The following PCDHGA3 variants were observed in gnomAD, a reference collection of about 807,000 sequenced individuals.
PCDHGA3 encodes protocadherin gamma-A3.
PCDHGA3 carries 40 observed loss-of-function variants against 58.5 expected under a neutral mutation model. That is an observed-to-expected ratio of 0.68 (90% CI 0.53 to 0.89). The LOEUF (loss-of-function observed/expected upper bound fraction) is 0.89. Ranked by LOEUF, PCDHGA3 falls within the 40% of genes least tolerant of loss-of-function variation. PCDHGA3 has a pLI of 0.00. For missense variants in PCDHGA3, 1,223 were observed against 1,195.9 expected, an observed-to-expected ratio of 1.02 and a Z score of -0.33; for synonymous variants, 530 against 525.7, an observed-to-expected ratio of 1.01 and a Z score of -0.11.
At chr5:141,500,227 G>T (rs959087347) in intron 2 of PCDHGA3, among the ~76,000 whole-genome samples, 15 of 116,224 alleles carry the variant, frequency 1.3e-4, no homozygotes, top group African/African-American at 2.9e-4. Context: ...TTTATTTATT[G>T]ATACGTAGCC....
At chr5:141,472,507 T>G (rs919448316) in intron 1 of PCDHGA3, among the ~76,000 whole-genome samples, 2 of 151,872 alleles carry the variant, frequency 1.3e-5, no homozygotes, top group African/African-American at 4.8e-5. Context: ...GCCACTGCAC[T>G]CCAGCCTGGG....
chr5:141,376,018 C>G (rs761668305), intron 1 of PCDHGA3: 2 of 1,613,312 alleles, frequency 1.2e-6, no homozygotes, highest in Admixed American at 1.7e-5. Context: ...TAGTGGTGGC[C>G]GTCCAGGACC....
At chr5:141,445,900 T>C (rs2098480876) in intron 1 of PCDHGA3, among the ~76,000 whole-genome samples, 1 of 152,224 alleles carries the variant, frequency 6.6e-6, no homozygotes, top group African/African-American at 2.4e-5. Flanking sequence ...TATTAAAATA[T>C]TTTAAACAAG....
rs759587995 is a variant in PCDHGA3, at chr5:141,491,802, G to T, written c.2425-3005G>T. On this transcript the variant is annotated intron_variant, in intron 1 of 3. Coordinates refer to ENST00000253812, the MANE Select transcript of PCDHGA3 (RefSeq NM_018916.4). The surrounding 1 kb of genome is among the most constrained non-coding windows in gnomAD (Gnocchi z 6.9). ...ACTTGCATCCACTCCTCTCCGGCCGGCTTGGTCGCTGGCTGCGCTCCACCC... is the reference window on the plus strand; with the variant it reads ...ACTTGCATCCACTCCTCTCCGGCCGTCTTGGTCGCTGGCTGCGCTCCACCC... 1 of 1,497,480 alleles carries T rather than the reference G, an allele frequency of 6.7e-7. No individual in the cohort carries two copies. Among genetic ancestry groups the T allele is most frequent in the East Asian group, 2.5e-5 (1 of 40,518 alleles). The allele number at this position is 1,497,480 out of a possible 1,614,324, so 92.8% of individuals were successfully genotyped here. A position where few individuals can be genotyped will look rare whatever the true frequency, so the allele number is the denominator to read the frequency against.
chr5:141,424,616 T>C (rs1487572877), intron 1 of PCDHGA3: 1 of 152,152 alleles, frequency 6.6e-6, no homozygotes, highest in Non-Finnish European at 1.5e-5. Flanking sequence ...TCAAATAGAG[T>C]AGTTTGTGAA....
intron 1 of PCDHGA3, chr5:141,351,032 G>A (rs531286057): frequency 2.5e-6 from 4 of 1,613,988 alleles, no homozygotes; most frequent in African/African-American, 1.3e-5. Flanking sequence ...GGGAACCTCC[G>A]TGCTGCGGGT....
chr5:141,357,655 G>A lies in PCDHGA3; in HGVS notation c.2424+11198G>A, dbSNP rs369881660. The A allele has an allele frequency of 1.8e-5, 29 of 1,606,982 alleles. 1 individual carries two copies. Among genetic ancestry groups the A allele is most frequent in the South Asian group, 8.9e-5 (8 of 90,294 alleles). On this transcript the variant is annotated intron_variant, in intron 1 of 3. Coordinates refer to ENST00000253812, the MANE Select transcript of PCDHGA3 (RefSeq NM_018916.4). ...ATCTTATAATAGATCATACCACACTGAAATATAGACAAAGAGTTGTGTAAA... is the reference window on the plus strand; with the variant it reads ...ATCTTATAATAGATCATACCACACTAAAATATAGACAAAGAGTTGTGTAAA...
intron 1 of PCDHGA3, chr5:141,350,617 A>T: frequency 6.2e-7 from 1 of 1,614,050 alleles, no homozygotes; most frequent in Non-Finnish European, 8.5e-7. Flanking sequence ...TGGTTGTTGT[A>T]ATCCAAGATA....
At chr5:141,374,840 G>A (rs766575793) in intron 1 of PCDHGA3, 4 of 1,613,792 alleles carry the variant, frequency 2.5e-6, no homozygotes, top group Non-Finnish European at 3.4e-6. Context: ...AAGTGTTCCT[G>A]AAAACCTGCC....
chr5:141,377,871 C>T (rs1490492398), intron 1 of PCDHGA3: 1 of 152,290 alleles, frequency 6.6e-6, no homozygotes, highest in East Asian at 1.9e-4. Flanking sequence ...AAAGACTTCT[C>T]TTATCAGAGA....
intron 1 of PCDHGA3, chr5:141,356,432 A>C (rs772805115): frequency 8.7e-6 from 14 of 1,609,664 alleles, no homozygotes; most frequent in Non-Finnish European, 1.2e-5. Context: ...AGAACACTGG[A>C]CAGGGAAGAA....
At chr5:141,366,316 TGCCGTG>T in intron 1 of PCDHGA3, 1 of 1,613,764 alleles carries the variant, frequency 6.2e-7, no homozygotes, top group African/African-American at 1.3e-5. Context: ...CGGTCACCGT[TGCCGTG>T]GCCGACAGGA....
At chr5:141,385,542 A>G in intron 1 of PCDHGA3, 1 of 1,327,542 alleles carries the variant, frequency 7.5e-7, no homozygotes. Context: ...GAATATGTGG[A>G]CTATCACATT....
Position 141,512,288 on chromosome 5 carries a change from TCAGCGGAGCCCCAGCAGGAAGGGTGGGC to T in PCDHGA3, c.*1120_*1147del, listed in dbSNP as rs1375137843. The T allele has an allele frequency of 6.5e-6, 1 of 152,680 alleles. No individual in the cohort carries two copies. Among genetic ancestry groups the T allele is most frequent in the Non-Finnish European group, 1.5e-5 (1 of 68,182 alleles). The allele number at this position is 152,680 out of a possible 1,614,324, so 9.5% of individuals were successfully genotyped here. ...TCCAGAGGTGCCACTGGTGGAAGGG[TCAGCGGAGCCCCAGCAGGAAGGGTGGGC>T]CAGCCAGGCCATTCTTAGTCCCTGG... On this transcript the variant is annotated 3_prime_UTR_variant, in exon 4 of 4. Coordinates refer to ENST00000253812, the MANE Select transcript of PCDHGA3 (RefSeq NM_018916.4).
chr5:141,404,829 TGC>T lies in PCDHGA3; in HGVS notation c.2424+58375_2424+58376del, dbSNP rs774802551. 6.2e-6 allele frequency: 10 copies of T among 1,608,020 alleles called. No individual in the cohort carries two copies. In the Admixed American group the frequency reaches 1.7e-4, roughly 27 times the overall value. On this transcript the variant is annotated intron_variant, in intron 1 of 3. Coordinates refer to ENST00000253812, the MANE Select transcript of PCDHGA3 (RefSeq NM_018916.4). ...TCGGTGGGGCTGCACACAGGTGAAGTGCGCACAGCTCGGGCCCTGCTAGATAG... is the reference window on the plus strand; with the variant it reads ...TCGGTGGGGCTGCACACAGGTGAAGTGCACAGCTCGGGCCCTGCTAGATAG...
intron 1 of PCDHGA3, chr5:141,404,622 A>G (rs1182540384): frequency 9.9e-6 from 16 of 1,614,156 alleles, no homozygotes; most frequent in Non-Finnish European, 1.4e-5. Flanking sequence ...GACCAGAATG[A>G]CAATGCCCCA....
chr5:141,408,958 T>A, intron 1 of PCDHGA3: 8 of 1,613,670 alleles, frequency 5.0e-6, no homozygotes, highest in Non-Finnish European at 6.8e-6. Flanking sequence ...TTAGTCTTAG[T>A]GAAAATCTGC....
At chr5:141,484,315 C>T (rs1172379949) in intron 1 of PCDHGA3, among the ~76,000 whole-genome samples, 2 of 152,326 alleles carry the variant, frequency 1.3e-5, no homozygotes, top group African/African-American at 4.8e-5. Context: ...ACCCCGCTTC[C>T]ATACTGTCCT....
chr5:141,432,343 G>C lies in PCDHGA3; in HGVS notation c.2425-62464G>C, dbSNP rs1174646711. 3 of 1,614,130 alleles carry C rather than the reference G, an allele frequency of 1.9e-6. No homozygotes were observed. On this transcript the variant is annotated intron_variant, in intron 1 of 3. Coordinates refer to ENST00000253812, the MANE Select transcript of PCDHGA3 (RefSeq NM_018916.4). This position sits in a 1 kb window ranked among gnomAD's most constrained non-coding sequence, Gnocchi z 6.0. ...TCGACTACGAGCAGTTCCGAGACTTGCAAGTGAAAGTGATGGCGCGGGACA... is the reference window on the plus strand; with the variant it reads ...TCGACTACGAGCAGTTCCGAGACTTCCAAGTGAAAGTGATGGCGCGGGACA...
Sources: gnomAD v4.1 joint callset for allele counts (sites outside exome capture counted in the v4.1 genomes callset) on GRCh38, gnomAD v4.1.1 for gene constraint, Gnocchi (gnomAD v3.1) non-coding constraint, MANE v1.5 for transcripts, NCBI Gene and HGNC (gene_info 2026-07-23, HGNC 2026-07-21) for gene names.